Variants in RAB3C observed in about 807,000 individuals in gnomAD.
RAB3C encodes the protein RAB3C, member RAS oncogene family.
Under a neutral mutation model 26.4 loss-of-function variants are expected in RAB3C, and 17 were observed. The observed-to-expected ratio is 0.64, with a 90% confidence interval of 0.44 to 0.97. The LOEUF is 0.97. RAB3C is among the 50% of genes least tolerant of loss of function. RAB3C has a pLI of 0.00. For missense variants in RAB3C, 242 were observed against 281.9 expected (o/e 0.86, Z 1.01); for synonymous variants, 91 against 95.9 (o/e 0.95, Z 0.30).
chr5:58,705,489 G>A (rs1179280092), intron 2 of RAB3C, among the ~76,000 whole-genome samples: 2 of 152,102 alleles, frequency 1.3e-5, no homozygotes, highest in Non-Finnish European at 2.9e-5. Flanking sequence ...TTGCATTATG[G>A]TATTTGGATT....
chr5:58,756,321 ATATATATATATATAACATATATATGT>A (rs1392584208), intron 3 of RAB3C, among the ~76,000 whole-genome samples: 2,765 of 142,470 alleles, frequency 0.019, 62 homozygotes, highest in African/African-American at 0.066. Flanking sequence ...CAGTAGTTAT[ATATATATATATATAACATATATATGT>A]TATATATATA....
intron 1 of RAB3C, among the ~76,000 whole-genome samples, chr5:58,588,895 T>G (rs556394186): frequency 1.3e-5 from 2 of 152,228 alleles, no homozygotes; most frequent in South Asian, 4.1e-4. Flanking sequence ...AGACTCTCTT[T>G]TTTTCCCCAT....
chr5:58,750,438 C>T (rs1741497875), intron 3 of RAB3C, among the ~76,000 whole-genome samples: 1 of 152,026 alleles, frequency 6.6e-6, no homozygotes, highest in Admixed American at 6.6e-5. Context: ...TGAATCATTG[C>T]CTGGCCTTGG....
At chr5:58,657,461 G>T (rs917327838) in intron 2 of RAB3C, among the ~76,000 whole-genome samples, 3 of 152,060 alleles carry the variant, frequency 2.0e-5, no homozygotes, top group Non-Finnish European at 4.4e-5. Context: ...TCTGAATGAC[G>T]ATGTGTGCAT....
chr5:58,653,919 A>G (rs1159707643), intron 2 of RAB3C, among the ~76,000 whole-genome samples: 2 of 152,332 alleles, frequency 1.3e-5, no homozygotes, highest in East Asian at 3.9e-4. Flanking sequence ...TAATCTACTT[A>G]TGGTGCCCAT....
At chr5:58,666,714 G>A (rs933750736) in intron 2 of RAB3C, among the ~76,000 whole-genome samples, 2 of 152,172 alleles carry the variant, frequency 1.3e-5, no homozygotes, top group African/African-American at 4.8e-5. Context: ...CCTGAGCTGC[G>A]GTCAGGGCAG....
intron 4 of RAB3C, among the ~76,000 whole-genome samples, chr5:58,843,556 A>T (rs1743920828): frequency 6.6e-6 from 1 of 152,232 alleles, no homozygotes; most frequent in Non-Finnish European, 1.5e-5. Context: ...AATGATCCTT[A>T]TCTCTTTATT....
At chr5:58,850,766 G>C (rs1427458406) in intron 4 of RAB3C, among the ~76,000 whole-genome samples, 1 of 152,184 alleles carries the variant, frequency 6.6e-6, no homozygotes, top group Non-Finnish European at 1.5e-5. Flanking sequence ...TGCGCTAGGG[G>C]TTGAGGGAAG....
At chr5:58,614,447 ATCTT>A (rs1746781698) in intron 1 of RAB3C, among the ~76,000 whole-genome samples, 1 of 151,902 alleles carries the variant, frequency 6.6e-6, no homozygotes, top group Non-Finnish European at 1.5e-5. Context: ...TCTTTGTGGA[ATCTT>A]ATTAGGTGTG....
chr5:58,645,858 G>A (rs1747506517), intron 2 of RAB3C, among the ~76,000 whole-genome samples: 1 of 151,662 alleles, frequency 6.6e-6, no homozygotes, highest in Admixed American at 6.6e-5. Flanking sequence ...CAGATAACTG[G>A]GACCTGACTG....
At chr5:58,835,173 C>T (rs1561146654) in intron 4 of RAB3C, among the ~76,000 whole-genome samples, 1 of 152,042 alleles carries the variant, frequency 6.6e-6, no homozygotes, top group Non-Finnish European at 1.5e-5. Flanking sequence ...TCTTCTAAAC[C>T]TCTACTTATT....
chr5:58,684,087 G>T (rs906298106), intron 2 of RAB3C, among the ~76,000 whole-genome samples: 3 of 152,016 alleles, frequency 2.0e-5, no homozygotes, highest in African/African-American at 7.2e-5. Flanking sequence ...AAAATATCCA[G>T]AAAAACATGC....
At chr5:58,710,855 C>A (rs964914149) in intron 2 of RAB3C, among the ~76,000 whole-genome samples, 2 of 152,106 alleles carry the variant, frequency 1.3e-5, no homozygotes, top group African/African-American at 4.8e-5. Flanking sequence ...TCTACATTTT[C>A]ATTTCCCTTT....
At chr5:58,622,258 C>T (rs189754005) in intron 2 of RAB3C, among the ~76,000 whole-genome samples, 1 of 151,936 alleles carries the variant, frequency 6.6e-6, no homozygotes, top group African/African-American at 2.4e-5. Context: ...AGTGTGAAAG[C>T]CCTATAATGG....
intron 2 of RAB3C, among the ~76,000 whole-genome samples, chr5:58,720,283 T>C (rs1012847080): frequency 6.6e-6 from 1 of 151,918 alleles, no homozygotes; most frequent in African/African-American, 2.4e-5. Context: ...ATGTGTAGAA[T>C]TTTAAAATGT....
intron 3 of RAB3C, among the ~76,000 whole-genome samples, chr5:58,774,060 A>G (rs1233627028): frequency 6.6e-6 from 1 of 152,118 alleles, no homozygotes; most frequent in Non-Finnish European, 1.5e-5. Context: ...ATTCTCAGCT[A>G]CTGGCCTTGC....
intron 2 of RAB3C, among the ~76,000 whole-genome samples, chr5:58,719,637 G>A (rs1180209495): frequency 6.6e-6 from 1 of 151,936 alleles, no homozygotes; most frequent in Non-Finnish European, 1.5e-5. Flanking sequence ...TGTTAGCAGT[G>A]CCATGCTGTC....
chr5:58,776,284 G>A (rs148761540), intron 3 of RAB3C, among the ~76,000 whole-genome samples: 2 of 151,686 alleles, frequency 1.3e-5, no homozygotes, highest in Admixed American at 6.6e-5. Flanking sequence ...TTCCCTCCCC[G>A]CTACCCCCAC....
chr5:58,599,330 A>G (rs1746398512), intron 1 of RAB3C, among the ~76,000 whole-genome samples: 1 of 152,188 alleles, frequency 6.6e-6, no homozygotes, highest in Admixed American at 6.6e-5. Context: ...CCAGGACTGC[A>G]AAGCTTCCAC....
Sources: gnomAD v4.1 joint callset for allele counts (sites outside exome capture counted in the v4.1 genomes callset) on GRCh38, gnomAD v4.1.1 for gene constraint, MANE v1.5 for transcripts, NCBI Gene and HGNC (gene_info 2026-07-23, HGNC 2026-07-21) for gene names.